Variants in SLC27A6 observed in about 807,000 individuals in gnomAD.
SLC27A6 encodes solute carrier family 27 member 6.
A neutral mutation model predicts 63.9 loss-of-function variants in SLC27A6; 74 were observed. The ratio of observed to expected loss-of-function variants is 1.16; its 90% CI spans 0.96 to 1.40. The LOEUF (loss-of-function observed/expected upper bound fraction) is 1.40, where lower values mean the gene tolerates loss of function less well. SLC27A6 is among the 40% of genes most tolerant of loss of function. The pLI is 0.00. For missense variants in SLC27A6, 794 were observed against 732.9 expected (o/e 1.08, Z -0.96); for synonymous variants, 287 against 260.8 (o/e 1.10, Z -0.97).
intron 4 of SLC27A6, among the ~76,000 whole-genome samples, chr5:129,005,523 G>C (rs1047209843): frequency 6.6e-6 from 1 of 151,564 alleles, no homozygotes; most frequent in South Asian, 2.1e-4. Context: ...AGCTTTGTGG[G>C]TTATACTGTC....
intron 1 of SLC27A6, among the ~76,000 whole-genome samples, chr5:128,984,442 A>G (rs372133643): frequency 4.6e-5 from 7 of 152,252 alleles, no homozygotes; most frequent in Admixed American, 2.6e-4. Context: ...TTAACTCAAC[A>G]TAGTCTCACC....
In SLC27A6 at chr5:129,012,184, T is replaced by C. The variant is rs375399959; in HGVS notation, c.970-3701T>C. ...TTTTCTTATACAGTTCAAAATACTT[T>C]TTAAATTTTCATTGTAATTTTTTTT... On this transcript the variant is annotated intron_variant, in intron 4 of 9. Transcript: ENST00000262462. 1.3e-4 allele frequency among the ~76,000 whole-genome samples: 20 copies of C among 152,144 alleles called. No individual in the cohort carries two copies. In the East Asian group the frequency reaches 2.7e-3, roughly 21 times the overall value.
At chr5:129,025,683 A>C (rs1752218036) in intron 6 of SLC27A6, among the ~76,000 whole-genome samples, 1 of 152,110 alleles carries the variant, frequency 6.6e-6, no homozygotes. Context: ...TGATGATGAT[A>C]TGATGGTGTT....
At position 129,026,500 on chromosome 5, in the gene SLC27A6, T is replaced by A. The variant is rs1457252328; in HGVS notation, c.1256-633T>A. ...AGAATAGCATCCCAGAGGAATAAAC[T>A]GTTTTATTATAATAACATGTGTGTT... On this transcript the variant is annotated intron_variant, in intron 6 of 9. Coordinates refer to ENST00000262462, the MANE Select transcript of SLC27A6 (RefSeq NM_001017372.3). 2.6e-5 allele frequency among the ~76,000 whole-genome samples: 4 copies of A among 151,876 alleles called. No individual in the cohort carries two copies. The East Asian group carries it at 7.7e-4, about 29-fold the overall frequency.
rs965319665 is a variant in SLC27A6, at chr5:129,001,770, T to A, written c.969+11306T>A. The stretch of plus-strand genomic sequence containing the variant: ...CAGAGCTTGAGAGGTTCACTTTTCT[T>A]AGGCATATAAAGAGGTTATTCAGCC... On this transcript the variant is annotated intron_variant, in intron 4 of 9. Coordinates refer to ENST00000262462, the MANE Select transcript of SLC27A6 (RefSeq NM_001017372.3). 3.9e-5 allele frequency among the ~76,000 whole-genome samples: 6 copies of A among 152,218 alleles called. No homozygotes were observed. The East Asian group carries it at 9.6e-4, about 24-fold the overall frequency.
chr5:128,973,283 G>GTTCTC (rs1459822817), intron 1 of SLC27A6, among the ~76,000 whole-genome samples: 9 of 152,210 alleles, frequency 5.9e-5, no homozygotes, highest in Non-Finnish European at 1.0e-4. Flanking sequence ...TCCCTGCTGG[G>GTTCTC]AGAACCACTG....
chr5:128,971,294 T>G (rs1750150343), intron 1 of SLC27A6, among the ~76,000 whole-genome samples: 1 of 152,152 alleles, frequency 6.6e-6, no homozygotes, highest in Non-Finnish European at 1.5e-5. Context: ...CAGAGCTGAG[T>G]TCAATTCCTT....
At chr5:129,003,887 G>A (rs1561623860) in intron 4 of SLC27A6, among the ~76,000 whole-genome samples, 1 of 150,288 alleles carries the variant, frequency 6.7e-6, no homozygotes. Context: ...AGGATTGCTT[G>A]AGCATGAGAG....
rs371452698 is a variant in SLC27A6 at position 128,966,458 on chromosome 5, G to C, written c.321G>C (p.Thr107=). The C allele has an allele frequency of 1.9e-5, 30 of 1,607,728 alleles. No individual in the cohort carries two copies. The highest frequency in any genetic ancestry group is 3.3e-4 in the Middle Eastern group (2 of 6,040). Residue 107 remains threonine (T), a synonymous_variant, in exon 1 of 10, where the codon ACG becomes ACC. Coordinates refer to ENST00000262462, the MANE Select transcript of SLC27A6 (RefSeq NM_001017372.3). ...ATTCCTCTCTGAAAAAGGGGGACAC[G>C]GTGGCTCTGCTGATGAGCAATGAGC... ...LNHSSLKKGD[T]VALLMSNEPD... is the part of the protein sequence containing the mutation.
chr5:128,986,961 A>C (rs1330882002), intron 2 of SLC27A6, among the ~76,000 whole-genome samples: 1 of 152,112 alleles, frequency 6.6e-6, no homozygotes, highest in African/African-American at 2.4e-5. Flanking sequence ...GTGAAACTAT[A>C]AGCAGGAAAC....
chr5:128,997,055 TATC>T (rs909298845), intron 4 of SLC27A6, among the ~76,000 whole-genome samples: 11 of 152,184 alleles, frequency 7.2e-5, no homozygotes, highest in Non-Finnish European at 1.0e-4. Context: ...TCAAGTGTTT[TATC>T]ATGTTTTCTC....
chr5:128,985,375 G>C (rs11743701), intron 2 of SLC27A6, 39 bp downstream of exon 2: 444,893 of 1,574,438 alleles, frequency 0.28, 66,900 homozygotes, highest in Non-Finnish European at 0.31. Flanking sequence ...ATGAATGCGA[G>C]AAATTTGCAA....
Position 129,023,918 on chromosome 5 carries a change from C to T in SLC27A6, c.1255+208C>T, listed in dbSNP as rs991151936. 5.9e-5 allele frequency among the ~76,000 whole-genome samples: 9 copies of T among 152,114 alleles called. No individual in the cohort carries two copies. The East Asian group carries it at 7.7e-4, about 13-fold the overall frequency. ...TACTTTAAACAGGTTGCTTATAATA[C>T]ATAATACAATGTAAATGCTACATAA... On this transcript the variant is annotated intron_variant, in intron 6 of 9. Coordinates refer to ENST00000262462, the MANE Select transcript of SLC27A6 (RefSeq NM_001017372.3).
chr5:129,025,639 T>G (rs1045094531), intron 6 of SLC27A6, among the ~76,000 whole-genome samples: 2 of 152,118 alleles, frequency 1.3e-5, no homozygotes, highest in African/African-American at 4.8e-5. Flanking sequence ...CAAAAAGTGC[T>G]CAATAGGTAT....
intron 1 of SLC27A6, among the ~76,000 whole-genome samples, chr5:128,977,799 C>G (rs904078247): frequency 6.6e-6 from 1 of 152,160 alleles, no homozygotes; most frequent in Non-Finnish European, 1.5e-5. Context: ...TCTTATTTAT[C>G]ATCAGCAGCA....
chr5:129,017,685 T>C (rs1289397954), intron 5 of SLC27A6, among the ~76,000 whole-genome samples: 1 of 152,126 alleles, frequency 6.6e-6, no homozygotes, highest in Non-Finnish European at 1.5e-5. Flanking sequence ...GCTGATACTT[T>C]AGACATTAAG....
chr5:129,015,554 T>A (rs1751862619), intron 4 of SLC27A6, among the ~76,000 whole-genome samples: 1 of 152,196 alleles, frequency 6.6e-6, no homozygotes, highest in Admixed American at 6.5e-5. Flanking sequence ...AACTTAAGTA[T>A]GTTTCATGTT....
intron 1 of SLC27A6, among the ~76,000 whole-genome samples, chr5:128,978,585 A>G (rs988299970): frequency 6.6e-6 from 1 of 152,166 alleles, no homozygotes; most frequent in Non-Finnish European, 1.5e-5. Context: ...AACTTCACCT[A>G]TCACAGTGCA....
At position 128,966,469 on chromosome 5, in the gene SLC27A6, T is replaced by C. The variant is rs138008342; in HGVS notation, c.332T>C (p.Leu111Pro). 2 of 1,608,858 alleles carry C rather than the reference T, an allele frequency of 1.2e-6. No homozygotes were observed. Among genetic ancestry groups the C allele is most frequent in the African/African-American group, 1.3e-5 (1 of 74,790 alleles). Residue 111 changes from leucine (L) to proline (P), a missense_variant, in exon 1 of 10, where the codon CTG becomes CCG. Leu to Pro is a moderately conservative substitution (Grantham distance 98). Coordinates refer to ENST00000262462, the MANE Select transcript of SLC27A6 (RefSeq NM_001017372.3). The part of the protein sequence containing the change: ...SLKKGDTVAL[L>P]MSNEPDFVHV... The stretch of plus-strand genomic sequence containing the variant: ...AAAAAGGGGGACACGGTGGCTCTGC[T>C]GATGAGCAATGAGCCGGACTTCGTT...
Sources: allele counts gnomAD v4.1 joint callset (sites outside exome capture counted in the v4.1 genomes callset), GRCh38; gene constraint gnomAD v4.1.1; transcripts MANE v1.5; gene names NCBI Gene and HGNC (gene_info 2026-07-23, HGNC 2026-07-21).